The following CCDC88A variants were observed in gnomAD, a reference collection of about 807,000 sequenced individuals.
CCDC88A encodes the protein coiled-coil and HOOK domain protein 88A, also known as girdin.
CCDC88A carries 54 observed loss-of-function variants against 234.3 expected under a neutral mutation model. That is an observed-to-expected ratio of 0.23 (90% CI 0.19 to 0.29). CCDC88A has a LOEUF of 0.29. CCDC88A is among the 10% of genes least tolerant of loss of function. CCDC88A has a pLI of 1.00. For missense variants in CCDC88A, 1,832 were observed against 2,123.4 expected (o/e 0.86, Z 2.70); for synonymous variants, 753 against 737.8 (o/e 1.02, Z -0.33).
chr2:55,349,468 A>G, intron 9 of CCDC88A, 50 bp downstream of exon 9: 1 of 1,286,004 alleles, frequency 7.8e-7, no homozygotes, highest in South Asian at 1.2e-5. Context: ...GAAGAAAATC[A>G]ATTTCCAATT....
intron 4 of CCDC88A, among the ~76,000 whole-genome samples, chr2:55,373,760 C>G (rs565934103): frequency 6.6e-6 from 1 of 152,086 alleles, no homozygotes; most frequent in Non-Finnish European, 1.5e-5. Context: ...AACTAAGCTG[C>G]TAATTCACAC....
Position 55,401,464 on chromosome 2 carries a change from A to G in CCDC88A, c.165-12578T>C, listed in dbSNP as rs1307762359. On this transcript the variant is annotated intron_variant, in intron 2 of 32. Coordinates refer to ENST00000436346, the MANE Select transcript of CCDC88A (RefSeq NM_001365480.1). ...AAAAAAAAAATATATATATATATAT[A>G]TACATATGTGTGTGTATGTATGTGT... Among the ~76,000 whole-genome samples, 100 of 15,428 alleles carry G rather than the reference A, an allele frequency of 6.5e-3. 21 individuals are homozygous for G. The highest frequency in any genetic ancestry group is 0.022 in the African/African-American group (90 of 4,090). 10.1% of individuals were successfully genotyped at this position (15,428 alleles called of 152,430 possible).
intron 13 of CCDC88A, chr2:55,337,037 G>T: frequency 3.0e-6 from 1 of 338,966 alleles, no homozygotes; most frequent in Non-Finnish European, 5.3e-6. Flanking sequence ...GCATCTTTTG[G>T]GGTAAATTTC....
In CCDC88A at chr2:55,334,902, T is replaced by C. The variant is rs1186411031; in HGVS notation, c.1919A>G (p.Glu640Gly). Residue 640 changes from glutamate (E) to glycine (G), a missense_variant, in exon 15 of 33, where the codon GAA (glutamate) becomes GGA (glycine). Glu to Gly is a moderately conservative substitution (Grantham distance 98). Around this residue, in one of 6 missense-constraint regions of CCDC88A, gnomAD observed 1,282 missense variants for 1,543.6 expected, o/e 0.83. Transcript: ENST00000436346. The surrounding 1 kb of genome is among the most constrained non-coding windows in gnomAD (Gnocchi z 6.1). ...LENELHHLEK[E>G]NELLQKKITN... ...TATTTTTTTCTGTAATAATTCATTT[T>C]CTTTTTCAAGATGATGCAATTCATT... is the stretch of plus-strand genomic sequence containing the variant. The C allele has an allele frequency of 6.6e-7, 1 of 1,518,114 alleles. No individual in the cohort carries two copies. The allele number at this position is 1,518,114 out of a possible 1,614,324, so 94.0% of individuals were successfully genotyped here.
At chr2:55,387,708 G>A (rs1442713781) in intron 3 of CCDC88A, among the ~76,000 whole-genome samples, 1 of 148,208 alleles carries the variant, frequency 6.7e-6, no homozygotes, top group African/African-American at 2.5e-5. Flanking sequence ...CTTGAACCCA[G>A]GAGGCAGAGG....
intron 25 of CCDC88A, among the ~76,000 whole-genome samples, chr2:55,304,142 C>T (rs1681239068): frequency 6.6e-6 from 1 of 150,988 alleles, no homozygotes; most frequent in African/African-American, 2.5e-5. Flanking sequence ...GAACCCATCC[C>T]TACAAAAAAT....
intron 18 of CCDC88A, chr2:55,321,059 A>G (rs557151805): frequency 1.3e-5 from 2 of 150,582 alleles, no homozygotes; most frequent in East Asian, 4.0e-4. Context: ...TCAGTGAGCT[A>G]TGATCTCGCC....
intron 29 of CCDC88A, among the ~76,000 whole-genome samples, chr2:55,298,273 T>A (rs1424977675): frequency 9.5e-6 from 1 of 105,516 alleles, no homozygotes; most frequent in Non-Finnish European, 2.2e-5. Context: ...AAGAGTTTCT[T>A]AAATTTTCAA....
At chr2:55,366,741 G>T (rs1450462469) in intron 5 of CCDC88A, among the ~76,000 whole-genome samples, 2 of 151,930 alleles carry the variant, frequency 1.3e-5, no homozygotes, top group Non-Finnish European at 2.9e-5. Flanking sequence ...TTCAATACCT[G>T]CTCTATGATC....
Position 55,362,300 on chromosome 2 carries a change from T to G in CCDC88A, c.627+8A>C. On this transcript the variant is annotated splice_region_variant and intron_variant, in intron 7 of 32. Transcript: ENST00000436346. ...ACTTTCACAATATACTGAAAGAATT[T>G]TACAAACCTCTGAATGTTCATCTCT... The G allele has an allele frequency of 6.4e-7, 1 of 1,557,200 alleles. No homozygotes were observed. Among genetic ancestry groups the G allele is most frequent in the Non-Finnish European group, 8.6e-7 (1 of 1,159,776 alleles).
At chr2:55,410,884 C>G (rs1680368077) in intron 2 of CCDC88A, among the ~76,000 whole-genome samples, 1 of 134,320 alleles carries the variant, frequency 7.4e-6, no homozygotes, top group South Asian at 2.5e-4. Flanking sequence ...GAGAGAGAGG[C>G]CTTGTCTCAA....
chr2:55,416,937 T>C (rs761879341), intron 2 of CCDC88A: 1 of 151,918 alleles, frequency 6.6e-6, no homozygotes, highest in African/African-American at 2.4e-5. Context: ...CCTTTAATTT[T>C]ATAGGTCATT....
At chr2:55,407,500 G>A (rs1323835176) in intron 2 of CCDC88A, among the ~76,000 whole-genome samples, 10 of 151,608 alleles carry the variant, frequency 6.6e-5, no homozygotes, top group Admixed American at 6.6e-4. Context: ...AGCTACTTGG[G>A]AGGCTGACAC....
At chr2:55,297,497 G>A (rs1421397212) in intron 29 of CCDC88A, among the ~76,000 whole-genome samples, 2 of 141,594 alleles carry the variant, frequency 1.4e-5, no homozygotes, top group African/African-American at 2.7e-5. Context: ...TACAACCCCC[G>A]CCTCCTGGGT....
chr2:55,358,865 G>T (rs1334400243), intron 7 of CCDC88A, among the ~76,000 whole-genome samples: 1 of 151,966 alleles, frequency 6.6e-6, no homozygotes, highest in African/African-American at 2.4e-5. Flanking sequence ...CCCTCTATCA[G>T]CATGCTCATC....
chr2:55,362,350 C>T lies in CCDC88A; in HGVS notation c.585G>A (p.Leu195=). ...DIEPLLKNMA[L]HLKRLIDERD... ...TCTCATCTATAAGTCTTTTTAGATG[C>T]AATGCCATATTTTTCAAGAGTGGTT... Residue 195 remains leucine, a synonymous_variant, in exon 7 of 33, where the codon TTG becomes TTA. Transcript: ENST00000436346. The T allele has an allele frequency of 4.4e-6, 7 of 1,594,032 alleles. No homozygotes were observed. The highest frequency in any genetic ancestry group is 6.0e-6 in the Non-Finnish European group (7 of 1,171,724).
chr2:55,407,832 C>T (rs572863417), intron 2 of CCDC88A, among the ~76,000 whole-genome samples: 4 of 151,032 alleles, frequency 2.6e-5, no homozygotes, highest in Non-Finnish European at 4.4e-5. Flanking sequence ...ACTCTCCTGC[C>T]TCTGCCTCCC....
intron 8 of CCDC88A, 114 bp downstream of exon 8, chr2:55,355,465 T>TTTGACCCA: frequency 1.1e-6 from 1 of 879,622 alleles, no homozygotes; most frequent in Non-Finnish European, 1.8e-6. Flanking sequence ...TTTTTCTCAT[T>TTTGACCCA]TACTTGTGAA....
chr2:55,315,641 T>G (rs927164664), intron 22 of CCDC88A: 2 of 208,034 alleles, frequency 9.6e-6, no homozygotes, highest in African/African-American at 4.6e-5. Context: ...TTTCTATTGG[T>G]TTATAATTTC....
Sources: allele counts gnomAD v4.1 joint callset (sites outside exome capture counted in the v4.1 genomes callset), GRCh38; gene constraint gnomAD v4.1.1; regional missense constraint gnomAD v4.1.1; non-coding constraint Gnocchi (gnomAD v3.1); transcripts MANE v1.5; gene names NCBI Gene and HGNC (gene_info 2026-07-23, HGNC 2026-07-21).